Variants in TRPM3 observed in about 807,000 individuals in gnomAD.
TRPM3 encodes the protein transient receptor potential cation channel subfamily M member 3, also known as long transient receptor potential channel 3.
Under a neutral mutation model 181.2 loss-of-function variants are expected in TRPM3, and 77 were observed. The observed-to-expected ratio is 0.42, with a 90% confidence interval of 0.35 to 0.51. TRPM3 has a LOEUF of 0.51. TRPM3 is among the 20% of genes least tolerant of loss of function. The pLI, the probability that TRPM3 is intolerant of heterozygous loss-of-function variation, is 0.01. For missense variants in TRPM3, 1,759 were observed against 2,196.7 expected, an observed-to-expected ratio of 0.80 and a Z score of 3.98; for synonymous variants, 745 against 796.4, an observed-to-expected ratio of 0.94 and a Z score of 1.09.
chr9:71,328,136 T>C (rs1187198926), intron 1 of TRPM3, among the ~76,000 whole-genome samples: 1 of 151,346 alleles, frequency 6.6e-6, no homozygotes, highest in Non-Finnish European at 1.5e-5. Flanking sequence ...TCCAACCCCC[T>C]GTTTATATTT....
intron 21 of TRPM3, 120 bp from the exon 22 acceptor site, chr9:70,591,325 G>A (rs1588976330): frequency 1.3e-6 from 1 of 770,454 alleles, no homozygotes; most frequent in East Asian, 2.7e-5. Context: ...CTGCTGGGAA[G>A]GGATGTTTAG....
At chr9:71,005,702 A>G (rs1237195248) in intron 1 of TRPM3, among the ~76,000 whole-genome samples, 2 of 152,188 alleles carry the variant, frequency 1.3e-5, no homozygotes, top group Admixed American at 1.3e-4. Context: ...AAGGAGAAAT[A>G]AAAAGTTTCC....
chr9:70,889,069 C>A (rs572841358), intron 1 of TRPM3, among the ~76,000 whole-genome samples: 1 of 152,222 alleles, frequency 6.6e-6, no homozygotes, highest in African/African-American at 2.4e-5. Context: ...AGCTCGGGAA[C>A]TGGAAGGGGT....
At chr9:71,016,196 T>A (rs2097783224) in intron 1 of TRPM3, among the ~76,000 whole-genome samples, 1 of 151,526 alleles carries the variant, frequency 6.6e-6, no homozygotes, top group South Asian at 2.1e-4. Flanking sequence ...ACTACAGATC[T>A]CATTGAAATC....
At chr9:71,009,764 G>A (rs1335064699) in intron 1 of TRPM3, among the ~76,000 whole-genome samples, 1 of 152,044 alleles carries the variant, frequency 6.6e-6, no homozygotes, top group African/African-American at 2.4e-5. Flanking sequence ...AGAACCCAGA[G>A]AGCCAAAGCA....
chr9:70,651,384 TATTA>T, intron 9 of TRPM3, among the ~76,000 whole-genome samples: 1 of 152,218 alleles, frequency 6.6e-6, no homozygotes, highest in Admixed American at 6.5e-5. Flanking sequence ...TCAGTTTAGT[TATTA>T]ATTATCACAA....
At chr9:70,537,496 G>C (rs1564204474) in intron 25 of TRPM3, 91 bp from the exon 26 acceptor site, 11 of 1,207,134 alleles carry the variant, frequency 9.1e-6, no homozygotes, top group Non-Finnish European at 1.1e-5. Flanking sequence ...AGCTGTGCCT[G>C]ACCTTGGTAC....
intron 5 of TRPM3, among the ~76,000 whole-genome samples, chr9:70,841,624 CTATATATATATATATATATATATA>C (rs72421594): frequency 0.039 from 2,875 of 72,902 alleles, 165 homozygotes; most frequent in African/African-American, 0.13. Flanking sequence ...CTATATCCCA[CTATATATATATATATATATATATA>C]TATATATATA....
intron 6 of TRPM3, among the ~76,000 whole-genome samples, chr9:70,814,357 G>A (rs1385284439): frequency 6.6e-6 from 1 of 152,114 alleles, no homozygotes; most frequent in Non-Finnish European, 1.5e-5. Context: ...GAAGGAGCAC[G>A]ATGGACAATT....
intron 8 of TRPM3, among the ~76,000 whole-genome samples, chr9:70,740,156 T>C (rs191543444): frequency 2.0e-5 from 3 of 152,262 alleles, no homozygotes; most frequent in Admixed American, 2.0e-4. Flanking sequence ...CACAAATCAG[T>C]AGCTCTGCCA....
chr9:70,930,587 T>C (rs2096766148), intron 1 of TRPM3, among the ~76,000 whole-genome samples: 1 of 152,128 alleles, frequency 6.6e-6, no homozygotes, highest in Non-Finnish European at 1.5e-5. Context: ...AAGGATAGAG[T>C]ACTACACTGG....
intron 1 of TRPM3, among the ~76,000 whole-genome samples, chr9:71,445,884 C>T (rs1038946813): frequency 3.3e-5 from 5 of 152,242 alleles, no homozygotes; most frequent in African/African-American, 4.8e-5. Flanking sequence ...GGACTTTGCA[C>T]TCTCTTCTAG....
At chr9:71,356,632 T>C (rs892179694) in intron 1 of TRPM3, among the ~76,000 whole-genome samples, 1 of 152,174 alleles carries the variant, frequency 6.6e-6, no homozygotes, top group Middle Eastern at 3.2e-3. Context: ...AGATAATCCA[T>C]GAAAACCACT....
chr9:70,965,560 G>T (rs1449603622), intron 1 of TRPM3, among the ~76,000 whole-genome samples: 1 of 151,978 alleles, frequency 6.6e-6, no homozygotes, highest in Non-Finnish European at 1.5e-5. Flanking sequence ...CTTTAGTTCT[G>T]TTTATGTGAG....
In TRPM3 at chr9:71,120,992, G is replaced by C. The variant is rs145584049; in HGVS notation, c.177+186C>G. Among the ~76,000 whole-genome samples, 751 of 151,888 alleles carry C rather than the reference G, an allele frequency of 4.9e-3. 18 individuals are homozygous for C. In the East Asian group the frequency reaches 0.076, roughly 15 times the overall value. On this transcript the variant is annotated intron_variant, in intron 1 of 25. Transcript: ENST00000677713. ...CCAGCCTCTTGTCTCTGACACCACG[G>C]GGTGTGGGTGGGGGGCGTGGGGGGA...
At chr9:71,254,012 T>C (rs779073632) in intron 1 of TRPM3, among the ~76,000 whole-genome samples, 4 of 152,144 alleles carry the variant, frequency 2.6e-5, no homozygotes, top group Non-Finnish European at 5.9e-5. Flanking sequence ...CTCCACCTCC[T>C]GGATTCAAAT....
chr9:71,314,250 C>G (rs1286324299), intron 1 of TRPM3, among the ~76,000 whole-genome samples: 1 of 151,970 alleles, frequency 6.6e-6, no homozygotes, highest in African/African-American at 2.4e-5. Context: ...ATAAATACAC[C>G]AAGAACACAG....
At chr9:70,641,613 ATAAAAT>A (rs2058072291) in intron 9 of TRPM3, among the ~76,000 whole-genome samples, 1 of 152,218 alleles carries the variant, frequency 6.6e-6, no homozygotes, top group African/African-American at 2.4e-5. Flanking sequence ...TCAAAATTAA[ATAAAAT>A]TAAAGTTATA....
At chr9:70,959,275 A>G (rs547812989) in intron 1 of TRPM3, among the ~76,000 whole-genome samples, 2 of 152,172 alleles carry the variant, frequency 1.3e-5, no homozygotes, top group Admixed American at 1.3e-4. Flanking sequence ...CTGAGTCTTA[A>G]TGGATGCTTA....
Sources: gnomAD v4.1 joint callset for allele counts (sites outside exome capture counted in the v4.1 genomes callset) on GRCh38, gnomAD v4.1.1 for gene constraint, MANE v1.5 for transcripts, NCBI Gene and HGNC (gene_info 2026-07-23, HGNC 2026-07-21) for gene names.